Variants in RPA1 observed in about 807,000 individuals in gnomAD.
RPA1 encodes the protein replication protein A 70 kDa DNA-binding subunit.
In RPA1, 49 loss-of-function variants were observed where a neutral mutation model predicts 83.0. That is an observed-to-expected ratio of 0.59 (90% confidence interval 0.47 to 0.75). The LOEUF (loss-of-function observed/expected upper bound fraction) is 0.75. Ranked by LOEUF, RPA1 falls within the 30% of genes least tolerant of loss-of-function variation. RPA1 has a pLI of 0.00. For synonymous variants in RPA1, 279 were observed against 281.8 expected, an observed-to-expected ratio of 0.99 and a Z score of 0.10; for missense variants, 693 against 776.1, an observed-to-expected ratio of 0.89 and a Z score of 1.27.
chr17:1,874,498 C>T (rs1913508223), intron 6 of RPA1, among the ~76,000 whole-genome samples: 1 of 152,122 alleles, frequency 6.6e-6, no homozygotes, highest in African/African-American at 2.4e-5. Flanking sequence ...CAGAGCAAGA[C>T]CTTGTCTCAA....
intron 2 of RPA1, 70 bp downstream of exon 2, chr17:1,842,923 T>C: frequency 6.6e-7 from 1 of 1,511,854 alleles, no homozygotes; most frequent in East Asian, 2.3e-5. Context: ...TTACGTTTGA[T>C]GAAGGACAGA....
intron 3 of RPA1, among the ~76,000 whole-genome samples, chr17:1,844,278 G>A (rs1912173555): frequency 6.6e-6 from 1 of 152,044 alleles, no homozygotes; most frequent in Non-Finnish European, 1.5e-5. Context: ...GAGTGCGAGG[G>A]GTCAGCTGCC....
In RPA1 at chr17:1,897,231, C is replaced by A; in HGVS notation, c.*56C>A. 1 of 1,294,144 alleles carries A rather than the reference C, an allele frequency of 7.7e-7. No individual in the cohort carries two copies. The highest frequency in any genetic ancestry group is 1.4e-5 in the South Asian group (1 of 71,760). The allele number at this position is 1,294,144 out of a possible 1,614,324, so 80.2% of individuals were successfully genotyped here. ...CAAATAGGCAGAATGGAATCGATTT[C>A]CTCCCACCTCCGTGTGACGATCCCA... On this transcript the variant is annotated 3_prime_UTR_variant, in exon 17 of 17. Coordinates refer to ENST00000254719, the MANE Select transcript of RPA1 (RefSeq NM_002945.5).
At chr17:1,857,943 A>C (rs1912773854) in intron 5 of RPA1, 2 of 1,559,380 alleles carry the variant, frequency 1.3e-6, no homozygotes, top group Non-Finnish European at 1.8e-6. Context: ...TAAACAAATA[A>C]GGAGAACTTT....
chr17:1,831,502 T>C (rs1911581175), intron 1 of RPA1, among the ~76,000 whole-genome samples: 1 of 152,048 alleles, frequency 6.6e-6, no homozygotes, highest in Non-Finnish European at 1.5e-5. Context: ...ATCCACAGCA[T>C]ACTCTCAGCC....
intron 5 of RPA1, among the ~76,000 whole-genome samples, chr17:1,868,604 C>T (rs961643509): frequency 2.0e-4 from 30 of 152,092 alleles, no homozygotes; most frequent in African/African-American, 7.2e-4. Flanking sequence ...AACCCTATCT[C>T]TATTAAAAAT....
intron 5 of RPA1, among the ~76,000 whole-genome samples, chr17:1,861,952 T>C (rs1308653008): frequency 6.6e-6 from 1 of 151,952 alleles, no homozygotes. Flanking sequence ...CAGGCTGGAG[T>C]GCAGTGGCGC....
At chr17:1,857,414 T>C (rs1912742121) in intron 5 of RPA1, among the ~76,000 whole-genome samples, 1 of 152,170 alleles carries the variant, frequency 6.6e-6, no homozygotes, top group Non-Finnish European at 1.5e-5. Context: ...ATGATAATTT[T>C]CTGGATCTTC....
At chr17:1,894,029 GTT>G (rs5818841) in intron 15 of RPA1, among the ~76,000 whole-genome samples, 50,092 of 127,406 alleles carry the variant, frequency 0.39, 9,382 homozygotes, top group Non-Finnish European at 0.41. Context: ...CCTGGCTTAA[GTT>G]TTTTTTTTTT....
intron 4 of RPA1, among the ~76,000 whole-genome samples, chr17:1,845,495 C>T (rs563625702): frequency 3.9e-5 from 6 of 152,032 alleles, no homozygotes; most frequent in South Asian, 2.1e-4. Context: ...GTGATTGCAC[C>T]GCCGCACTTC....
At position 1,875,517 on chromosome 17, in the gene RPA1, G is replaced by A. The variant is rs190429623; in HGVS notation, c.455-144G>A. ...TCTCTATTTGATCTGCGTATCTCTTGCATATAAAAAGGAAAAGCTTTGCCT... is the reference window on the plus strand; with the variant it reads ...TCTCTATTTGATCTGCGTATCTCTTACATATAAAAAGGAAAAGCTTTGCCT... On this transcript the variant is annotated intron_variant, in intron 6 of 16. Transcript: ENST00000254719. The A allele has an allele frequency of 6.2e-4, 530 of 848,378 alleles. 5 individuals are homozygous for A. The Admixed American group carries it at 9.2e-3, about 15-fold the overall frequency. 52.6% of individuals were successfully genotyped at this position (848,378 alleles called of 1,614,324 possible). A position where few individuals can be genotyped will look rare whatever the true frequency, so the allele number is the denominator to read the frequency against.
At chr17:1,846,442 C>A (rs757709131) in intron 4 of RPA1, among the ~76,000 whole-genome samples, 2 of 151,520 alleles carry the variant, frequency 1.3e-5, no homozygotes, top group Non-Finnish European at 2.9e-5. Context: ...CTCAGCCTCC[C>A]GAGTAGCTGG....
At chr17:1,889,315 G>T (rs1453191811) in intron 14 of RPA1, among the ~76,000 whole-genome samples, 2 of 144,418 alleles carry the variant, frequency 1.4e-5, no homozygotes, top group African/African-American at 5.1e-5. Context: ...TAAAAAAGTT[G>T]TAAAGTTGGG....
intron 4 of RPA1, among the ~76,000 whole-genome samples, chr17:1,845,241 G>A (rs1223295848): frequency 1.3e-5 from 2 of 149,888 alleles, no homozygotes; most frequent in South Asian, 2.2e-4. Flanking sequence ...AGCCAATATA[G>A]AATACATTGA....
At position 1,888,714 on chromosome 17, in the gene RPA1, C is replaced by T. The variant is rs139432886; in HGVS notation, c.1414C>T (p.Arg472Cys). 1.7e-5 allele frequency: 27 copies of T among 1,614,000 alleles called. No homozygotes were observed. Among genetic ancestry groups the T allele is most frequent in the African/African-American group, 1.6e-4 (12 of 74,924 alleles). The part of the protein sequence containing the change: ...FSSVATVVYL[R>C]KENCMYQACP... ...TTCTGTGGCCACAGTGGTGTATCTT[C>T]GCAAAGAGAACTGCATGTACCAAGC... Residue 472 changes from arginine (R) to cysteine (C), a missense_variant, in exon 14 of 17, where the codon CGC becomes TGC. Arg to Cys is a radical substitution (Grantham distance 180). Transcript: ENST00000254719.
chr17:1,844,997 C>G (rs1261157577), intron 4 of RPA1, among the ~76,000 whole-genome samples: 1 of 152,076 alleles, frequency 6.6e-6, no homozygotes, highest in African/African-American at 2.4e-5. Context: ...CCATGTTGCC[C>G]AGGCTGGTCT....
intron 5 of RPA1, among the ~76,000 whole-genome samples, chr17:1,867,191 C>G (rs530042999): frequency 1.3e-5 from 2 of 151,534 alleles, no homozygotes; most frequent in Admixed American, 1.3e-4. Flanking sequence ...TTAAAATGAG[C>G]GAATTTGTTA....
rs1306075957 is a variant in RPA1, at chr17:1,858,301, G to A, written c.361+5112G>A. On this transcript the variant is annotated intron_variant, in intron 5 of 16. Coordinates refer to ENST00000254719, the MANE Select transcript of RPA1 (RefSeq NM_002945.5). The stretch of plus-strand genomic sequence containing the variant: ...TAACACGGCCGACATGCCAAAAAGA[G>A]AGACCCCTGCACTCAAAGCAATACC... 4.2e-5 allele frequency: 67 copies of A among 1,610,596 alleles called. 1 individual carries two copies. The highest frequency in any genetic ancestry group is 5.1e-6 in the Non-Finnish European group (6 of 1,177,040).
chr17:1,882,946 T>G (rs1393758848), intron 12 of RPA1, among the ~76,000 whole-genome samples: 1 of 152,174 alleles, frequency 6.6e-6, no homozygotes, highest in Non-Finnish European at 1.5e-5. Flanking sequence ...AAAGATTCTT[T>G]GGTACTTTGG....
Sources: gnomAD v4.1 joint callset for allele counts (sites outside exome capture counted in the v4.1 genomes callset) on GRCh38, gnomAD v4.1.1 for gene constraint, MANE v1.5 for transcripts, NCBI Gene and HGNC (gene_info 2026-07-23, HGNC 2026-07-21) for gene names.